The following SEMA3E variants were observed in gnomAD, a reference collection of about 807,000 sequenced individuals.
SEMA3E encodes semaphorin 3E.
In SEMA3E, 49 loss-of-function variants were observed where a neutral mutation model predicts 93.6. That is an observed-to-expected ratio of 0.52 (90% CI 0.42 to 0.66). The LOEUF (loss-of-function observed/expected upper bound fraction) is 0.66. Ranked by LOEUF, SEMA3E falls within the 30% of genes least tolerant of loss-of-function variation. The pLI, the probability that SEMA3E is intolerant of heterozygous loss-of-function variation, is 0.00. For missense variants in SEMA3E, 906 were observed against 964.8 expected (o/e 0.94, Z 0.81); for synonymous variants, 363 against 330.7 (o/e 1.10, Z -1.06).
At chr7:83,436,231 C>T (rs1196675904) in intron 4 of SEMA3E, among the ~76,000 whole-genome samples, 1 of 151,028 alleles carries the variant, frequency 6.6e-6, no homozygotes, top group Non-Finnish European at 1.5e-5. Context: ...TAAAGATATA[C>T]AACACAAATA....
intron 1 of SEMA3E, among the ~76,000 whole-genome samples, chr7:83,548,127 G>GT (rs766915918): frequency 6.6e-6 from 1 of 152,004 alleles, no homozygotes; most frequent in Non-Finnish European, 1.5e-5. Flanking sequence ...TAAACACACT[G>GT]TATCTATCCT....
chr7:83,601,570 C>G (rs959586252), intron 1 of SEMA3E, among the ~76,000 whole-genome samples: 2 of 152,050 alleles, frequency 1.3e-5, no homozygotes, highest in Non-Finnish European at 1.5e-5. Context: ...CTGACCCAAG[C>G]TCTTATAGTC....
rs533414352 is a variant in SEMA3E, at chr7:83,423,634, G to A, written c.457-5151C>T. On this transcript the variant is annotated intron_variant, in intron 4 of 16. Coordinates refer to ENST00000643230, the MANE Select transcript of SEMA3E (RefSeq NM_012431.3). Reference sequence around the variant, plus strand: ...TTCTCCTGCCTCAGCCTCCCGAGTAGCTGGGACTACAGACGCCCACCACCA... The same window carrying A: ...TTCTCCTGCCTCAGCCTCCCGAGTAACTGGGACTACAGACGCCCACCACCA... 6.6e-5 allele frequency among the ~76,000 whole-genome samples: 10 copies of A among 150,832 alleles called. No homozygotes were observed. The East Asian group carries it at 2.0e-3, about 30-fold the overall frequency.
chr7:83,464,301 T>C (rs1413359434), intron 4 of SEMA3E, among the ~76,000 whole-genome samples: 1 of 151,660 alleles, frequency 6.6e-6, no homozygotes, highest in East Asian at 1.9e-4. Context: ...TACAGCCCAT[T>C]TAAGCTCCTG....
chr7:83,596,600 C>T (rs1792876377), intron 1 of SEMA3E, among the ~76,000 whole-genome samples: 1 of 152,000 alleles, frequency 6.6e-6, no homozygotes, highest in Admixed American at 6.6e-5. Context: ...ATCTAGGAAT[C>T]CTGGCTCTCC....
chr7:83,511,687 C>A (rs962256621), intron 1 of SEMA3E, among the ~76,000 whole-genome samples: 1 of 152,100 alleles, frequency 6.6e-6, no homozygotes, highest in East Asian at 1.9e-4. Context: ...GGGTTCGAGA[C>A]CAGCCTGGCC....
chr7:83,449,823 T>C (rs903943900), intron 4 of SEMA3E, among the ~76,000 whole-genome samples: 4 of 152,324 alleles, frequency 2.6e-5, no homozygotes, highest in Admixed American at 6.5e-5. Flanking sequence ...TTGTTTTAAA[T>C]TTTGTTTTAA....
chr7:83,419,396 C>A (rs889624043), intron 4 of SEMA3E, among the ~76,000 whole-genome samples: 1 of 152,048 alleles, frequency 6.6e-6, no homozygotes, highest in Non-Finnish European at 1.5e-5. Context: ...ATATTTCAAA[C>A]ACACATTGTC....
At chr7:83,468,169 G>A (rs1051361201) in intron 3 of SEMA3E, among the ~76,000 whole-genome samples, 9 of 152,178 alleles carry the variant, frequency 5.9e-5, no homozygotes, top group Non-Finnish European at 1.2e-4. Context: ...TGGCTAGAAT[G>A]AGGAGTGCAC....
At chr7:83,436,741 T>C (rs1485766984) in intron 4 of SEMA3E, among the ~76,000 whole-genome samples, 1 of 152,168 alleles carries the variant, frequency 6.6e-6, no homozygotes, top group Non-Finnish European at 1.5e-5. Flanking sequence ...TTATTTTCTT[T>C]TTGTTGTTAT....
At chr7:83,412,070 C>A (rs572127149) in intron 5 of SEMA3E, among the ~76,000 whole-genome samples, 21 of 152,270 alleles carry the variant, frequency 1.4e-4, no homozygotes, top group African/African-American at 3.9e-4. Context: ...ATCAAAGAGA[C>A]TGCCATGTAA....
intron 1 of SEMA3E, among the ~76,000 whole-genome samples, chr7:83,556,586 G>C (rs1228681373): frequency 6.6e-6 from 1 of 152,176 alleles, no homozygotes; most frequent in African/African-American, 2.4e-5. Flanking sequence ...AACAGTGGAA[G>C]CATTTGTAGG....
At chr7:83,460,824 A>G (rs1268877885) in intron 4 of SEMA3E, among the ~76,000 whole-genome samples, 2 of 134,982 alleles carry the variant, frequency 1.5e-5, no homozygotes, top group Non-Finnish European at 3.1e-5. Context: ...TCTGTGCCCC[A>G]ACCCCTTTTC....
At chr7:83,574,451 T>A (rs1313307846) in intron 1 of SEMA3E, among the ~76,000 whole-genome samples, 1 of 113,030 alleles carries the variant, frequency 8.8e-6, no homozygotes, top group African/African-American at 4.8e-5. Context: ...GGAGGAGAAG[T>A]AAAGTTTAAA....
chr7:83,394,396 A>G, intron 12 of SEMA3E, 58 bp from the exon 13 acceptor site: 1 of 1,409,822 alleles, frequency 7.1e-7, no homozygotes, highest in South Asian at 1.2e-5. Flanking sequence ...ATTTACCTTA[A>G]TATGGTTGTA....
chr7:83,584,047 TC>T (rs1241199976), intron 1 of SEMA3E, among the ~76,000 whole-genome samples: 1 of 152,176 alleles, frequency 6.6e-6, no homozygotes, highest in Non-Finnish European at 1.5e-5. Context: ...TAATAAATGT[TC>T]TTGTTTTATC....
Position 83,426,048 on chromosome 7 carries a change from G to C in SEMA3E, c.457-7565C>G, listed in dbSNP as rs138350098. Among the ~76,000 whole-genome samples, 8 of 152,214 alleles carry C rather than the reference G, an allele frequency of 5.3e-5. No individual in the cohort carries two copies. In the East Asian group the frequency reaches 1.3e-3, roughly 26 times the overall value. ...ATACCATCTCACACCAGTCAGAATG[G>C]CTATTATTAAAAAGTCAATAAATAA... On this transcript the variant is annotated intron_variant, in intron 4 of 16. Coordinates refer to ENST00000643230, the MANE Select transcript of SEMA3E (RefSeq NM_012431.3).
At chr7:83,538,402 T>G (rs1178947964) in intron 1 of SEMA3E, among the ~76,000 whole-genome samples, 1 of 152,162 alleles carries the variant, frequency 6.6e-6, no homozygotes, top group Non-Finnish European at 1.5e-5. Flanking sequence ...GTGTATCTTA[T>G]TATAGTTTTG....
intron 2 of SEMA3E, among the ~76,000 whole-genome samples, chr7:83,470,846 G>A (rs1202942681): frequency 7.1e-6 from 1 of 140,122 alleles, no homozygotes; most frequent in Admixed American, 7.7e-5. Context: ...GTTAAGGTGT[G>A]GTTCCCCCAC....
Sources: allele counts gnomAD v4.1 joint callset (sites outside exome capture counted in the v4.1 genomes callset), GRCh38; gene constraint gnomAD v4.1.1; transcripts MANE v1.5; gene names NCBI Gene and HGNC (gene_info 2026-07-23, HGNC 2026-07-21).